AFG2A: variants seen among roughly 807,000 people sequenced by gnomAD.
The protein encoded by AFG2A is AAA ATPase AFG2A, also known as ATPase family gene 2 protein homolog A.
the AFG2A span, among the ~76,000 whole-genome samples, chr4:123,146,639 G>A: frequency 0.021 from 3,272 of 152,214 alleles, 113 homozygotes; most frequent in African/African-American, 0.074. Flanking sequence ...TGAGAAAAGA[G>A]CTTCAGTACC....
the AFG2A span, among the ~76,000 whole-genome samples, chr4:123,235,031 T>C: frequency 1.3e-5 from 2 of 152,296 alleles, no homozygotes; most frequent in Admixed American, 6.5e-5. Context: ...CATGCACATA[T>C]TATTGTTGTC....
chr4:123,220,653 A>T, the AFG2A span, among the ~76,000 whole-genome samples: 1 of 151,550 alleles, frequency 6.6e-6, no homozygotes, highest in African/African-American at 2.4e-5. Context: ...AGTTAAAATT[A>T]AATTTAGCAT....
chr4:123,188,801 G>A, the AFG2A span, among the ~76,000 whole-genome samples: 14 of 152,122 alleles, frequency 9.2e-5, no homozygotes, highest in South Asian at 1.5e-3. Context: ...GTAGGTAGAC[G>A]TCTTAATAGT....
chr4:123,254,162 C>T, the AFG2A span, among the ~76,000 whole-genome samples: 27 of 152,090 alleles, frequency 1.8e-4, no homozygotes, highest in South Asian at 5.2e-3. Flanking sequence ...CCTGTCTTTT[C>T]GTTTTCTTAA....
chr4:122,998,954 C>T, the AFG2A span, among the ~76,000 whole-genome samples: 1 of 151,972 alleles, frequency 6.6e-6, no homozygotes, highest in Admixed American at 6.6e-5. Flanking sequence ...CCTATTTCTC[C>T]ACATCCTCTC....
the AFG2A span, among the ~76,000 whole-genome samples, chr4:122,975,941 T>G: frequency 6.6e-6 from 1 of 152,194 alleles, no homozygotes; most frequent in Admixed American, 6.5e-5. Flanking sequence ...GGTGTATGTT[T>G]GTACTATTCA....
chr4:122,940,289 A>G, the AFG2A span, among the ~76,000 whole-genome samples: 1 of 151,868 alleles, frequency 6.6e-6, no homozygotes, highest in African/African-American at 2.4e-5. Context: ...CCTCTCTAGC[A>G]CCTGTTGTTT....
the AFG2A span, among the ~76,000 whole-genome samples, chr4:123,001,220 G>A: frequency 1.9e-4 from 29 of 151,274 alleles, no homozygotes; most frequent in African/African-American, 4.4e-4. Context: ...TCTTGCTAGC[G>A]GTGTATCAAT....
At chr4:123,111,975 A>C in the AFG2A span, among the ~76,000 whole-genome samples, 1 of 152,130 alleles carries the variant, frequency 6.6e-6, no homozygotes, top group Non-Finnish European at 1.5e-5. Context: ...CGCCTGCCTC[A>C]GCCTCCCAAA....
chr4:123,054,674 C>T, the AFG2A span, among the ~76,000 whole-genome samples: 3 of 151,796 alleles, frequency 2.0e-5, no homozygotes, highest in East Asian at 1.9e-4. Context: ...GCCGAGATAG[C>T]GCCACTGCAC....
At chr4:123,226,954 G>A in the AFG2A span, among the ~76,000 whole-genome samples, 4 of 152,100 alleles carry the variant, frequency 2.6e-5, no homozygotes, top group African/African-American at 7.2e-5. Flanking sequence ...TGTATGTGTC[G>A]AGGAATGTAC....
chr4:123,223,388 A>C, the AFG2A span, among the ~76,000 whole-genome samples: 2 of 152,078 alleles, frequency 1.3e-5, no homozygotes, highest in African/African-American at 4.8e-5. Flanking sequence ...TTTGGGTTGT[A>C]TTGGTCCACT....
the AFG2A span, chr4:123,056,258 C>T: frequency 2.6e-6 from 2 of 775,442 alleles, no homozygotes; most frequent in Non-Finnish European, 1.9e-6. Context: ...AGAAAATAAG[C>T]ATGCTAAAGG....
chr4:123,020,887 A>C, the AFG2A span, among the ~76,000 whole-genome samples: 2 of 152,184 alleles, frequency 1.3e-5, no homozygotes, highest in Non-Finnish European at 2.9e-5. Flanking sequence ...CTAGGAAGTA[A>C]TATTACTAGG....
chr4:123,085,146 T>A, the AFG2A span, among the ~76,000 whole-genome samples: 1 of 152,184 alleles, frequency 6.6e-6, no homozygotes, highest in Admixed American at 6.5e-5. Context: ...TCTATCTTGA[T>A]GAATATTCTG....
At chr4:122,929,816 A>G in the AFG2A span, among the ~76,000 whole-genome samples, 7 of 152,088 alleles carry the variant, frequency 4.6e-5, no homozygotes, top group Non-Finnish European at 1.0e-4. Flanking sequence ...CCCCATTTTA[A>G]ACATTTGATA....
chr4:123,137,018 C>T, the AFG2A span, among the ~76,000 whole-genome samples: 3,234 of 152,232 alleles, frequency 0.021, 66 homozygotes, highest in Non-Finnish European at 0.035. Flanking sequence ...TATTTCACTT[C>T]AGATCAGGCA....
the AFG2A span, among the ~76,000 whole-genome samples, chr4:123,293,084 A>C: frequency 6.6e-6 from 1 of 152,160 alleles, no homozygotes; most frequent in Non-Finnish European, 1.5e-5. Flanking sequence ...AGATCAGACG[A>C]GGCACTTCTG....
the AFG2A span, among the ~76,000 whole-genome samples, chr4:122,996,333 A>T: frequency 6.6e-6 from 1 of 152,260 alleles, no homozygotes; most frequent in African/African-American, 2.4e-5. Flanking sequence ...TTGTATCCCT[A>T]GTGCTTGGCA....
Sources: gnomAD v4.1 joint callset for allele counts (sites outside exome capture counted in the v4.1 genomes callset) on GRCh38, gnomAD v4.1.1 for gene constraint, MANE v1.5 for transcripts, NCBI Gene and HGNC (gene_info 2026-07-23, HGNC 2026-07-21) for gene names.